Variants in SPOCD1 observed in about 807,000 individuals in gnomAD.
The protein encoded by SPOCD1 is SPOC domain-containing protein 1.
In SPOCD1, 64 loss-of-function variants were observed where a neutral mutation model predicts 92.2. That is an observed-to-expected ratio of 0.69 (90% CI 0.57 to 0.86). The LOEUF is 0.86. Ranked by LOEUF, SPOCD1 falls within the 40% of genes least tolerant of loss-of-function variation. The pLI, the probability that SPOCD1 is intolerant of heterozygous loss-of-function variation, is 0.00. For missense variants in SPOCD1, 1,360 were observed against 1,543.1 expected (o/e 0.88, Z 1.99); for synonymous variants, 578 against 619.3 (o/e 0.93, Z 0.99).
chr1:31,800,098 C>T lies in SPOCD1; in HGVS notation c.1646G>A (p.Gly549Asp), dbSNP rs1648337101. Reference protein sequence around the residue: ...SPSGGTAGDPGGLSDPFYPPR... With the variant: ...SPSGGTAGDPDGLSDPFYPPR... The stretch of plus-strand genomic sequence containing the variant: ...AGGGTAGAAGGGGTCAGAGAGGCCA[C>T]CAGGGTCCCCTGCTGTGCCTCCTGA... The change falls in exon 5 of 16, where the codon GGT becomes GAT. Residue 549 changes from glycine to aspartate, a missense_variant. Transcript: ENST00000360482. 6.2e-7 allele frequency: 1 copy of T among 1,605,586 alleles called. No homozygotes were observed.
At chr1:31,806,546 ACTT>A (rs1648829249) in intron 2 of SPOCD1, among the ~76,000 whole-genome samples, 1 of 151,540 alleles carries the variant, frequency 6.6e-6, no homozygotes, top group Non-Finnish European at 1.5e-5. Flanking sequence ...CGATATGAAA[ACTT>A]TTTTTTTTTT....
intron 2 of SPOCD1, among the ~76,000 whole-genome samples, chr1:31,808,820 A>G (rs548832332): frequency 6.6e-6 from 1 of 152,392 alleles, no homozygotes; most frequent in Non-Finnish European, 1.5e-5. Flanking sequence ...AATAAAAGCA[A>G]GATTTCTGGA....
At position 31,793,269 on chromosome 1, in the gene SPOCD1, C is replaced by G; in HGVS notation, c.2685+9G>C. 6.3e-7 allele frequency: 1 copy of G among 1,583,960 alleles called. No homozygotes were observed. Among genetic ancestry groups the G allele is most frequent in the Non-Finnish European group, 8.6e-7 (1 of 1,165,292 alleles). ...GTAAGGGAATCCCTGGCGAGGAGGGCAGGTGCACCTGGACAAGCCGACAGC... is the reference window on the plus strand; with the variant it reads ...GTAAGGGAATCCCTGGCGAGGAGGGGAGGTGCACCTGGACAAGCCGACAGC... On this transcript the variant is annotated intron_variant, in intron 13 of 15. Transcript: ENST00000360482.
chr1:31,793,956 A>G (rs1404833844), intron 11 of SPOCD1, 59 bp from the exon 12 acceptor site: 2 of 1,568,344 alleles, frequency 1.3e-6, no homozygotes, highest in African/African-American at 2.7e-5. Context: ...AAGCCAGCCC[A>G]GGGCTTTAGA....
chr1:31,804,183 C>T (rs895408657), intron 2 of SPOCD1, among the ~76,000 whole-genome samples: 15 of 152,208 alleles, frequency 9.9e-5, no homozygotes, highest in Non-Finnish European at 2.2e-4. Flanking sequence ...AAGTGCTTTA[C>T]ATATTAGTTA....
intron 12 of SPOCD1, 63 bp from the exon 13 acceptor site, chr1:31,793,491 CCTTT>C: frequency 6.5e-7 from 1 of 1,540,980 alleles, no homozygotes; most frequent in Non-Finnish European, 8.8e-7. Flanking sequence ...CCCGGCACCT[CCTTT>C]CTTTTCAGAG....
rs1252871930 is a variant in SPOCD1, at chr1:31,793,330, C to T, written c.2633G>A (p.Arg878Gln). 3.8e-6 allele frequency: 6 copies of T among 1,591,500 alleles called. No individual in the cohort carries two copies. The highest frequency in any genetic ancestry group is 1.8e-5 in the Admixed American group (1 of 56,586). The change falls in exon 13 of 16, where the codon CGG (arginine) becomes CAG (glutamine). Residue 878 changes from arginine to glutamine, a missense_variant. This residue lies in a region of SPOCD1 where 614 missense variants were observed against 757.8 expected (regional missense o/e 0.81). Coordinates refer to ENST00000360482, the MANE Select transcript of SPOCD1 (RefSeq NM_144569.7). ...EGVLDMFSIK[R>Q]FRARAQLVSG... ...GACCAGCTGGGCCCTGGCCCGGAAC[C>T]GCTTGATGGAGAACATGTCCAGAAC... is the stretch of plus-strand genomic sequence containing the variant.
chr1:31,793,246 A>C (rs565003784), intron 13 of SPOCD1, 32 bp downstream of exon 13: 8 of 1,568,306 alleles, frequency 5.1e-6, no homozygotes, highest in Non-Finnish European at 6.9e-6. Context: ...GTCAGTGTGT[A>C]AGGGAATCCC....
At position 31,794,203 on chromosome 1, in the gene SPOCD1, C is replaced by T; in HGVS notation, c.2304G>A (p.Gln768=). ...TGTCCTCTGATGCGATGGGCAGGGC[C>T]TGTGGGCTGCAGTCCATGAACATCT... ...GPQMFMDCSP[Q]ALPIASEDTT... is the part of the protein sequence containing the mutation. Residue 768 remains glutamine (Q), a synonymous_variant, in exon 11 of 16, where the codon CAG becomes CAA. Transcript: ENST00000360482. 1 of 1,613,994 alleles carries T rather than the reference C, an allele frequency of 6.2e-7. No homozygotes were observed. Among genetic ancestry groups the T allele is most frequent in the Non-Finnish European group, 8.5e-7 (1 of 1,179,908 alleles).
chr1:31,809,988 C>T (rs1265795469), intron 2 of SPOCD1, among the ~76,000 whole-genome samples: 3 of 152,160 alleles, frequency 2.0e-5, no homozygotes, highest in Admixed American at 6.5e-5. Context: ...CAGAGCACTG[C>T]CCTCTTCCTA....
At chr1:31,803,712 G>C (rs1025668667) in intron 2 of SPOCD1, among the ~76,000 whole-genome samples, 1 of 151,604 alleles carries the variant, frequency 6.6e-6, no homozygotes, top group African/African-American at 2.4e-5. Flanking sequence ...CTGTACTCTA[G>C]CCTGGGTGAC....
rs1347452082 is a variant in SPOCD1 at position 31,814,111 on chromosome 1, G to GC, written c.1222dup (p.Ala408GlyfsTer16). The GC allele has an allele frequency of 6.2e-7, 1 of 1,610,196 alleles. No homozygotes were observed. Among genetic ancestry groups the GC allele is most frequent in the African/African-American group, 1.3e-5 (1 of 74,870 alleles). On this transcript the variant is annotated frameshift_variant, in exon 2 of 16. Transcript: ENST00000360482. LOFTEE classifies it high-confidence loss of function. This position sits in a 1 kb window ranked among gnomAD's most constrained non-coding sequence, Gnocchi z 4.2. ...CTGCTCCATGAATGGGCCTGAGCAG[G>GC]CCCTGCTGGCTTCAGTATCCAGGGA...
chr1:31,791,358 C>A, intron 15 of SPOCD1, 67 bp from the exon 16 acceptor site: 1 of 1,312,054 alleles, frequency 7.6e-7, no homozygotes, highest in South Asian at 1.8e-5. Context: ...GGAAGGGCTT[C>A]TTCACAGTGA....
In SPOCD1 at chr1:31,798,486, T is replaced by C; in HGVS notation, c.1984A>G (p.Lys662Glu). ...AGGTTGAACAGCAGGCTGCGATACT[T>C]GGTCTTGTACCGGCCATTGGTGCCT... ...TQGTNGRYKT[K>E]YRSLLFNLRD... is the part of the protein sequence containing the mutation. The change falls in exon 8 of 16, where the codon AAG becomes GAG. Residue 662 changes from lysine to glutamate, a missense_variant. By Grantham distance (56) the Lys-to-Glu change is moderately conservative (BLOSUM62 1). This residue lies in a region of SPOCD1 where 614 missense variants were observed against 757.8 expected (regional missense o/e 0.81). Coordinates refer to ENST00000360482, the MANE Select transcript of SPOCD1 (RefSeq NM_144569.7). This position sits in a 1 kb window ranked among gnomAD's most constrained non-coding sequence, Gnocchi z 4.1. 1.9e-6 allele frequency: 3 copies of C among 1,613,836 alleles called. No homozygotes were observed. Among genetic ancestry groups the C allele is most frequent in the Non-Finnish European group, 2.5e-6 (3 of 1,179,908 alleles).
chr1:31,792,457 C>A (rs776377862), intron 14 of SPOCD1, 56 bp from the exon 15 acceptor site: 12 of 1,561,320 alleles, frequency 7.7e-6, no homozygotes, highest in Non-Finnish European at 1.0e-5. Flanking sequence ...CTCCTGCCAA[C>A]ACCCCTGGGC....
chr1:31,807,477 T>A, intron 2 of SPOCD1, among the ~76,000 whole-genome samples: 2 of 121,622 alleles, frequency 1.6e-5, no homozygotes, highest in Admixed American at 9.0e-5. Context: ...CAAAGAAAAA[T>A]TGTAATTAAA....
intron 15 of SPOCD1, among the ~76,000 whole-genome samples, chr1:31,791,947 G>C (rs984072600): frequency 3.9e-5 from 6 of 152,232 alleles, no homozygotes; most frequent in African/African-American, 1.4e-4. Flanking sequence ...TCTTCTATGA[G>C]ATGGACAGTC....
chr1:31,815,409 G>A, intron 1 of SPOCD1, 37 bp from the exon 2 acceptor site: 1 of 1,435,718 alleles, frequency 7.0e-7, no homozygotes, highest in Non-Finnish European at 9.3e-7. Flanking sequence ...TTGTCTTGGA[G>A]AGTCCGACCT....
chr1:31,792,043 T>C, intron 15 of SPOCD1, 172 bp downstream of exon 15: 1 of 687,640 alleles, frequency 1.5e-6, no homozygotes, highest in Non-Finnish European at 2.4e-6. Context: ...TGGCATGCAG[T>C]TCATGATATC....
Sources: gnomAD v4.1 joint callset for allele counts (sites outside exome capture counted in the v4.1 genomes callset) on GRCh38, gnomAD v4.1.1 for gene constraint, gnomAD v4.1.1 regional missense constraint, Gnocchi (gnomAD v3.1) non-coding constraint, MANE v1.5 for transcripts, NCBI Gene and HGNC (gene_info 2026-07-23, HGNC 2026-07-21) for gene names.